Variants in ASXL2 observed in about 807,000 individuals in gnomAD.
ASXL2 encodes the protein putative Polycomb group protein ASXL2.
In ASXL2, 23 loss-of-function variants were observed where a neutral mutation model predicts 122.0. The observed-to-expected ratio is 0.19, with a 90% CI of 0.14 to 0.27. The LOEUF (loss-of-function observed/expected upper bound fraction) is 0.27, where lower values mean the gene tolerates loss of function less well. Among genes scored for constraint, ASXL2 ranks in the 10% least tolerant of loss-of-function variants. The pLI, the probability that ASXL2 is intolerant of heterozygous loss-of-function variation, is 1.00. For missense variants in ASXL2, 1,518 were observed against 1,713.8 expected, an observed-to-expected ratio of 0.89 and a Z score of 2.02; for synonymous variants, 650 against 637.0, an observed-to-expected ratio of 1.02 and a Z score of -0.31.
rs1043921816 is a variant in ASXL2 at position 25,736,267 on chromosome 2, A to G, written c.*5762T>C. On this transcript the variant is annotated 3_prime_UTR_variant, in exon 13 of 13. Transcript: ENST00000435504. ...CTTCTGGTATGTTGCCTTCTCCCTC[A>G]GCTGCAGACCAACTCTACTTGCAGG... 17 of 152,200 alleles carry G rather than the reference A, an allele frequency of 1.1e-4. No individual in the cohort carries two copies. The highest frequency in any genetic ancestry group is 4.1e-4 in the African/African-American group (17 of 41,442). The allele number at this position is 152,200 out of a possible 1,614,324, so 9.4% of individuals were successfully genotyped here. A position where few individuals can be genotyped will look rare whatever the true frequency, so the allele number is the denominator to read the frequency against.
At chr2:25,847,999 TGG>T (rs1415190054) in intron 1 of ASXL2, among the ~76,000 whole-genome samples, 1 of 152,226 alleles carries the variant, frequency 6.6e-6, no homozygotes, top group East Asian at 1.9e-4. Flanking sequence ...CATTTTAATG[TGG>T]GTTTTTTCCT....
At chr2:25,832,405 C>T (rs2089464724) in intron 3 of ASXL2, among the ~76,000 whole-genome samples, 1 of 151,812 alleles carries the variant, frequency 6.6e-6, no homozygotes, top group African/African-American at 2.4e-5. Context: ...AAGACAGAAT[C>T]CTAAAATATG....
intron 1 of ASXL2, among the ~76,000 whole-genome samples, chr2:25,855,846 AAAAG>A (rs1559529610): frequency 2.0e-5 from 3 of 151,216 alleles, no homozygotes; most frequent in African/African-American, 4.9e-5. Flanking sequence ...AAAAAAAAAA[AAAAG>A]AGAGAGAGAC....
chr2:25,833,484 C>T (rs1032170514), intron 3 of ASXL2, among the ~76,000 whole-genome samples: 3 of 152,092 alleles, frequency 2.0e-5, no homozygotes, highest in Admixed American at 1.3e-4. Context: ...CACTTGAGGC[C>T]AGGAGTTTGA....
intron 12 of ASXL2, among the ~76,000 whole-genome samples, chr2:25,748,070 TG>T (rs760391492): frequency 4.6e-5 from 7 of 151,826 alleles, no homozygotes; most frequent in Non-Finnish European, 1.0e-4. Flanking sequence ...CCTAGCTACT[TG>T]GGAGGCTGAG....
Position 25,743,895 on chromosome 2 carries a change from T to G in ASXL2, c.2442A>C (p.Thr814=). The change falls in exon 13 of 13, where the codon ACA becomes ACC. Residue 814 remains threonine, a synonymous_variant. Coordinates refer to ENST00000435504, the MANE Select transcript of ASXL2 (RefSeq NM_018263.6). ...CTTGTGGATGGCTGACAGAGGCCAC[T>G]GTGGCTGTTGCTCTGGTGGGGTTCA... ...EKLNPTRATA[T]VASVSHPQGP... is the part of the protein sequence containing the mutation. The G allele has an allele frequency of 1.2e-6, 2 of 1,614,034 alleles. No homozygotes were observed. The highest frequency in any genetic ancestry group is 1.7e-6 in the Non-Finnish European group (2 of 1,179,902).
intron 1 of ASXL2, among the ~76,000 whole-genome samples, chr2:25,867,785 G>C (rs10205527): frequency 0.28 from 42,549 of 152,072 alleles, 6,278 homozygotes; most frequent in African/African-American, 0.33. Flanking sequence ...TCAAACATAC[G>C]CTGCATTTTT....
rs370316025 is a variant in ASXL2 at position 25,786,243 on chromosome 2, C to CTTTTTTTT, written c.403+13134_403+13141dup. On this transcript the variant is annotated intron_variant, in intron 5 of 12. Transcript: ENST00000435504. ...AAACAACCTACTACTCCACATCATT[C>CTTTTTTTT]TTTTTTTTTTTTTTTTGAGATGGAG... is the stretch of plus-strand genomic sequence containing the variant. Among the ~76,000 whole-genome samples the CTTTTTTTT allele has an allele frequency of 8.9e-5, 10 of 112,416 alleles. 1 individual carries two copies. The highest frequency in any genetic ancestry group is 1.3e-4 in the Non-Finnish European group (8 of 60,328). 73.7% of individuals were successfully genotyped at this position (112,416 alleles called of 152,430 possible).
chr2:25,760,384 A>G (rs1318033225), intron 8 of ASXL2, among the ~76,000 whole-genome samples: 1 of 152,158 alleles, frequency 6.6e-6, no homozygotes, highest in African/African-American at 2.4e-5. Context: ...AAATATTAAT[A>G]TTTTTAAAAA....
rs562681109 is a variant in ASXL2, at chr2:25,838,005, C to T, written c.141-2465G>A. ...AATTAGCCAAGCACGGTGGCGCACGCCTGTGGTCCCAGCTACTTAGGAAGT... is the reference window on the plus strand; with the variant it reads ...AATTAGCCAAGCACGGTGGCGCACGTCTGTGGTCCCAGCTACTTAGGAAGT... On this transcript the variant is annotated intron_variant, in intron 2 of 12. Transcript: ENST00000435504. Among the ~76,000 whole-genome samples the T allele has an allele frequency of 9.9e-5, 15 of 151,538 alleles. No homozygotes were observed. The South Asian group carries it at 2.1e-3, about 21-fold the overall frequency.
intron 5 of ASXL2, among the ~76,000 whole-genome samples, chr2:25,786,195 T>C (rs767308072): frequency 3.9e-4 from 59 of 150,152 alleles, no homozygotes; most frequent in Admixed American, 6.0e-4. Flanking sequence ...GGAAACTAAC[T>C]TCATCTACTA....
chr2:25,784,355 T>G (rs1420793268), intron 5 of ASXL2, among the ~76,000 whole-genome samples: 2 of 152,204 alleles, frequency 1.3e-5, no homozygotes, highest in Non-Finnish European at 2.9e-5. Context: ...ATAATTAAAA[T>G]GTTAACAGAA....
rs553920164 is a variant in ASXL2, at chr2:25,862,639, G to A, written c.57+15527C>T. ...TTTTGAGACAGAATCCCGCTCTGTC[G>A]GCCAGGCTGGAGTGCAGTGGCATGA... On this transcript the variant is annotated intron_variant, in intron 1 of 12. Coordinates refer to ENST00000435504, the MANE Select transcript of ASXL2 (RefSeq NM_018263.6). Among the ~76,000 whole-genome samples, 35 of 152,162 alleles carry A rather than the reference G, an allele frequency of 2.3e-4. No individual in the cohort carries two copies. In the East Asian group the frequency reaches 6.0e-3, roughly 26 times the overall value.
rs1196522760 is a variant in ASXL2, at chr2:25,739,816, C to T, written c.*2213G>A. The T allele has an allele frequency of 9.0e-6, 2 of 222,812 alleles. No individual in the cohort carries two copies. Among genetic ancestry groups the T allele is most frequent in the Admixed American group, 1.2e-4 (2 of 17,390 alleles). 13.8% of individuals were successfully genotyped at this position (222,812 alleles called of 1,614,324 possible). On this transcript the variant is annotated 3_prime_UTR_variant, in exon 13 of 13. Coordinates refer to ENST00000435504, the MANE Select transcript of ASXL2 (RefSeq NM_018263.6). ...AGCAGAAAAATCACTTTCATCAATC[C>T]AAACTGGTAACTGACATTTAGCATG...
intron 3 of ASXL2, among the ~76,000 whole-genome samples, chr2:25,821,490 G>C (rs1197792178): frequency 1.3e-5 from 2 of 152,090 alleles, no homozygotes; most frequent in Non-Finnish European, 2.9e-5. Context: ...GGGGCTGGGC[G>C]TGGTGGCTCA....
intron 3 of ASXL2, among the ~76,000 whole-genome samples, chr2:25,816,721 T>C (rs1054340405): frequency 6.6e-6 from 1 of 152,322 alleles, no homozygotes; most frequent in African/African-American, 2.4e-5. Flanking sequence ...GAAGGAAACA[T>C]TTGCTTTCTT....
intron 1 of ASXL2, among the ~76,000 whole-genome samples, chr2:25,861,988 G>A (rs997656080): frequency 2.6e-5 from 4 of 152,296 alleles, no homozygotes; most frequent in Admixed American, 2.0e-4. Context: ...GTAGAATGAT[G>A]AGGGATTATT....
Position 25,733,810 on chromosome 2 carries a change from T to C in ASXL2, c.*8219A>G, listed in dbSNP as rs781171573. The C allele has an allele frequency of 6.6e-6, 1 of 152,208 alleles. No individual in the cohort carries two copies. The highest frequency in any genetic ancestry group is 1.5e-5 in the Non-Finnish European group (1 of 68,038). 9.4% of individuals were successfully genotyped at this position (152,208 alleles called of 1,614,324 possible). A position where few individuals can be genotyped will look rare whatever the true frequency, so the allele number is the denominator to read the frequency against. On this transcript the variant is annotated 3_prime_UTR_variant, in exon 13 of 13. Transcript: ENST00000435504. ...GAATGAGTCAGTAAAATATGGTTTG[T>C]CTATGTGCAGAAACATACATTCAAC...
chr2:25,743,040 G>A lies in ASXL2; in HGVS notation c.3297C>T (p.Asp1099=), dbSNP rs2149136246. The A allele has an allele frequency of 1.2e-6, 2 of 1,614,044 alleles. No homozygotes were observed. Among genetic ancestry groups the A allele is most frequent in the Non-Finnish European group, 1.7e-6 (2 of 1,179,902 alleles). Residue 1099 remains aspartate (D), a synonymous_variant, in exon 13 of 13, where the codon GAC becomes GAT. Transcript: ENST00000435504. ...NFAHSGFQLE[D]ISTSQRFMLG... ...GCATGAACCTCTGGCTTGTGGAGATGTCTTCCAGCTGGAAACCTGAGTGAG... is the reference window on the plus strand; with the variant it reads ...GCATGAACCTCTGGCTTGTGGAGATATCTTCCAGCTGGAAACCTGAGTGAG...
Sources: allele counts gnomAD v4.1 joint callset (sites outside exome capture counted in the v4.1 genomes callset), GRCh38; gene constraint gnomAD v4.1.1; transcripts MANE v1.5; gene names NCBI Gene and HGNC (gene_info 2026-07-23, HGNC 2026-07-21).